The following ANKH variants were observed in gnomAD, a reference collection of about 807,000 sequenced individuals.
The protein encoded by ANKH is mineralization regulator ANKH.
Under a neutral mutation model 49.0 loss-of-function variants are expected in ANKH, and 15 were observed. The observed-to-expected ratio is 0.31, with a 90% CI of 0.20 to 0.47. The LOEUF (loss-of-function observed/expected upper bound fraction) is 0.47, where lower values mean the gene tolerates loss of function less well. Among genes scored for constraint, ANKH ranks in the 20% least tolerant of loss-of-function variants. The probability of loss-of-function intolerance (pLI) is 1.00; values close to 1 mark genes in which losing one functional copy is unlikely to be tolerated. For missense variants in ANKH, 429 were observed against 652.0 expected (o/e 0.66, Z 3.72); for synonymous variants, 273 against 260.0 (o/e 1.05, Z -0.48).
At chr5:14,736,006 CTTTTTTTTTT>C (rs540010631) in intron 8 of ANKH, among the ~76,000 whole-genome samples, 38 of 83,664 alleles carry the variant, frequency 4.5e-4, no homozygotes, top group East Asian at 1.3e-3. Flanking sequence ...AAAAACCTAA[CTTTTTTTTTT>C]TTTTTTTTTT....
rs1415270753 is a variant in ANKH, at chr5:14,758,732, A to G, written c.314-134T>C. ...TAGAAAAATTAGATAAGCAAATAGA[A>G]AAAAATCATCTACAATCTCATCCCT... On this transcript the variant is annotated intron_variant, in intron 2 of 11. Transcript: ENST00000284268. The G allele has an allele frequency of 1.1e-5, 8 of 737,978 alleles. 1 individual carries two copies. The highest frequency in any genetic ancestry group is 1.2e-5 in the Non-Finnish European group (5 of 422,300). The allele number at this position is 737,978 out of a possible 1,614,324, so 45.7% of individuals were successfully genotyped here.
chr5:14,749,064 A>T, intron 6 of ANKH, 108 bp downstream of exon 6: 1 of 1,463,240 alleles, frequency 6.8e-7, no homozygotes, highest in South Asian at 1.2e-5. Context: ...CATGTAATTT[A>T]ATATTGGGGA....
intron 1 of ANKH, among the ~76,000 whole-genome samples, chr5:14,850,329 G>A (rs562703598): frequency 2.2e-4 from 34 of 152,344 alleles, no homozygotes; most frequent in Non-Finnish European, 4.6e-4. Context: ...AAGGTATTGT[G>A]TCTAGGAAGT....
intron 1 of ANKH, among the ~76,000 whole-genome samples, chr5:14,833,266 G>A (rs561403487): frequency 1.5e-4 from 23 of 152,208 alleles, no homozygotes; most frequent in Non-Finnish European, 3.4e-4. Flanking sequence ...AAGACTAAAA[G>A]AACTAGCTTG....
chr5:14,774,059 A>G (rs536698567), intron 1 of ANKH, among the ~76,000 whole-genome samples: 5 of 152,250 alleles, frequency 3.3e-5, no homozygotes, highest in Non-Finnish European at 2.9e-5. Flanking sequence ...AAAAAGCTGC[A>G]GAATTGAGGA....
chr5:14,788,261 T>C (rs1235619015), intron 1 of ANKH: 2 of 152,246 alleles, frequency 1.3e-5, no homozygotes, highest in African/African-American at 2.4e-5. Context: ...ACAAGGTCAA[T>C]TCCTTCCTCC....
At position 14,732,228 on chromosome 5, in the gene ANKH, A is replaced by G. The variant is rs544405166; in HGVS notation, c.1011+9599T>C. ...GATGGAGAACTGGCATCTCTGTGTTAGCAAGAAGATGGGGCTCTGGTAGCA... is the reference window on the plus strand; with the variant it reads ...GATGGAGAACTGGCATCTCTGTGTTGGCAAGAAGATGGGGCTCTGGTAGCA... On this transcript the variant is annotated intron_variant, in intron 8 of 11. Coordinates refer to ENST00000284268, the MANE Select transcript of ANKH (RefSeq NM_054027.6). 2.6e-5 allele frequency among the ~76,000 whole-genome samples: 4 copies of G among 152,254 alleles called. No homozygotes were observed. The East Asian group carries it at 7.7e-4, about 29-fold the overall frequency.
rs1475031272 is a variant in ANKH at position 14,725,373 on chromosome 5, C to G, written c.1012-8538G>C. The stretch of plus-strand genomic sequence containing the variant: ...GTTGACTCCATAAAGTAAATCGATG[C>G]CTGCCTTCCTTAAGAAAGTCTTGCC... On this transcript the variant is annotated intron_variant, in intron 8 of 11. Coordinates refer to ENST00000284268, the MANE Select transcript of ANKH (RefSeq NM_054027.6). The surrounding 1 kb of genome is among the most constrained non-coding windows in gnomAD (Gnocchi z 4.0). 1.3e-5 allele frequency among the ~76,000 whole-genome samples: 2 copies of G among 152,082 alleles called. No homozygotes were observed. The highest frequency in any genetic ancestry group is 2.4e-5 in the African/African-American group (1 of 41,452).
intron 8 of ANKH, among the ~76,000 whole-genome samples, chr5:14,719,870 T>G (rs1737607021): frequency 6.6e-6 from 1 of 152,170 alleles, no homozygotes; most frequent in Non-Finnish European, 1.5e-5. Context: ...AAACCTGAAT[T>G]TTAAAATCCA....
rs869185652 is a variant in ANKH, at chr5:14,771,921, GAAAAAAAAAAAAA to G, written c.97-2743_97-2731del. ...AGAGTGAGACTGTGTCTCAAAAAAA[GAAAAAAAAAAAAA>G]AAAAAAAAAAAAACCAAAACAAAAC... On this transcript the variant is annotated intron_variant, in intron 1 of 11. Transcript: ENST00000284268. Among the ~76,000 whole-genome samples the G allele has an allele frequency of 1.3e-4, 7 of 53,384 alleles. 1 individual carries two copies. The highest frequency in any genetic ancestry group is 3.5e-4 in the African/African-American group (5 of 14,484). The allele number at this position is 53,384 out of a possible 152,430, so 35.0% of individuals were successfully genotyped here.
At chr5:14,840,530 T>G (rs1741787372) in intron 1 of ANKH, among the ~76,000 whole-genome samples, 1 of 152,214 alleles carries the variant, frequency 6.6e-6, no homozygotes, top group African/African-American at 2.4e-5. Flanking sequence ...AGATTTGGGA[T>G]CCAAAGTATA....
intron 1 of ANKH, among the ~76,000 whole-genome samples, chr5:14,810,303 G>A (rs1490160747): frequency 2.6e-5 from 4 of 151,876 alleles, no homozygotes; most frequent in South Asian, 2.1e-4. Context: ...GATTACAGGC[G>A]CCCGCCACCA....
chr5:14,741,563 T>C (rs1738355656), intron 8 of ANKH: 3 of 447,512 alleles, frequency 6.7e-6, no homozygotes, highest in South Asian at 2.3e-5. Context: ...AAGTGTACTA[T>C]TCCAATTAAA....
rs1737065127 is a variant in ANKH at position 14,709,232 on chromosome 5, A to C, written c.*1965T>G. 6.6e-6 allele frequency: 1 copy of C among 152,224 alleles called. No individual in the cohort carries two copies. Among genetic ancestry groups the C allele is most frequent in the Admixed American group, 6.5e-5 (1 of 15,288 alleles). The allele number at this position is 152,224 out of a possible 1,614,324, so 9.4% of individuals were successfully genotyped here. On this transcript the variant is annotated 3_prime_UTR_variant, in exon 12 of 12. Coordinates refer to ENST00000284268, the MANE Select transcript of ANKH (RefSeq NM_054027.6). ...TGGATCTTTAAGCTCCAACCCCAGA[A>C]GCATGAAAGTCACACATGTTAAAAA...
chr5:14,839,900 C>T (rs762447135), intron 1 of ANKH, among the ~76,000 whole-genome samples: 24 of 152,174 alleles, frequency 1.6e-4, no homozygotes, highest in Admixed American at 5.2e-4. Context: ...CTGGCAAGTA[C>T]CATCTCACCA....
intron 1 of ANKH, among the ~76,000 whole-genome samples, chr5:14,857,248 A>G: frequency 6.6e-6 from 1 of 152,206 alleles, no homozygotes; most frequent in East Asian, 1.9e-4. Context: ...AGTAAAACCA[A>G]TACAGCCCCT....
intron 1 of ANKH, among the ~76,000 whole-genome samples, chr5:14,847,485 CAA>C (rs1332392397): frequency 1.3e-5 from 2 of 152,184 alleles, no homozygotes; most frequent in Non-Finnish European, 2.9e-5. Flanking sequence ...GCCCAGCAGA[CAA>C]AGTGTCGCCG....
At chr5:14,734,037 T>A (rs937175176) in intron 8 of ANKH, among the ~76,000 whole-genome samples, 2 of 152,212 alleles carry the variant, frequency 1.3e-5, no homozygotes, top group Non-Finnish European at 2.9e-5. Flanking sequence ...GACTTCACCA[T>A]TTGTGTGGGA....
intron 1 of ANKH, among the ~76,000 whole-genome samples, chr5:14,840,559 T>C (rs1550826): frequency 0.35 from 53,481 of 152,120 alleles, 9,458 homozygotes; most frequent in Admixed American, 0.4. Context: ...TGCATTTTCT[T>C]GATTTGTGAC....
Sources: allele counts gnomAD v4.1 joint callset (sites outside exome capture counted in the v4.1 genomes callset), GRCh38; gene constraint gnomAD v4.1.1; non-coding constraint Gnocchi (gnomAD v3.1); transcripts MANE v1.5; gene names NCBI Gene and HGNC (gene_info 2026-07-23, HGNC 2026-07-21).